The following LRRC4C variants were observed in gnomAD, a reference collection of about 807,000 sequenced individuals.
LRRC4C encodes the protein leucine-rich repeat-containing protein 4C.
Under a neutral mutation model 33.6 loss-of-function variants are expected in LRRC4C, and 5 were observed. That is an observed-to-expected ratio of 0.15 (90% CI 0.08 to 0.31). LRRC4C has a LOEUF of 0.31. LRRC4C is among the 10% of genes least tolerant of loss of function. LRRC4C has a pLI of 1.00. For missense variants in LRRC4C, 560 were observed against 796.7 expected, an observed-to-expected ratio of 0.70 and a Z score of 3.58; for synonymous variants, 329 against 302.0, an observed-to-expected ratio of 1.09 and a Z score of -0.93.
intron 5 of LRRC4C, among the ~76,000 whole-genome samples, chr11:40,237,755 G>A (rs1329834512): frequency 6.6e-6 from 1 of 152,128 alleles, no homozygotes; most frequent in Admixed American, 6.5e-5. Flanking sequence ...TGCCCTTGAA[G>A]TTTGAGTATT....
At chr11:41,201,430 C>A (rs539035148) in intron 1 of LRRC4C, among the ~76,000 whole-genome samples, 1 of 152,308 alleles carries the variant, frequency 6.6e-6, no homozygotes, top group East Asian at 1.9e-4. Flanking sequence ...TTTCAAAACC[C>A]TTGGTCCTGG....
intron 2 of LRRC4C, among the ~76,000 whole-genome samples, chr11:40,792,211 C>T (rs1391141639): frequency 1.3e-5 from 2 of 151,132 alleles, no homozygotes; most frequent in African/African-American, 4.9e-5. Context: ...TATTTTTGTC[C>T]TTTTGAATAA....
chr11:40,701,627 A>G (rs1425982257), intron 2 of LRRC4C, among the ~76,000 whole-genome samples: 1 of 148,860 alleles, frequency 6.7e-6, no homozygotes, highest in Non-Finnish European at 1.5e-5. Context: ...ATACATATAT[A>G]CATGAAATAT....
intron 1 of LRRC4C, among the ~76,000 whole-genome samples, chr11:41,423,151 A>AC (rs1428010529): frequency 6.6e-6 from 1 of 152,106 alleles, no homozygotes; most frequent in African/African-American, 2.4e-5. Flanking sequence ...TTAAGAATGA[A>AC]CATAAATATT....
intron 3 of LRRC4C, among the ~76,000 whole-genome samples, chr11:40,495,297 C>G (rs10837425): frequency 6.6e-6 from 1 of 151,790 alleles, no homozygotes; most frequent in Non-Finnish European, 1.5e-5. Context: ...CTCCGCCCCC[C>G]CCGCCAGAAA....
chr11:40,560,495 A>C (rs1484833641), intron 3 of LRRC4C, among the ~76,000 whole-genome samples: 3 of 151,932 alleles, frequency 2.0e-5, no homozygotes, highest in Non-Finnish European at 4.4e-5. Context: ...ACCCAGTGAA[A>C]GTTCAATTTT....
chr11:40,999,252 CTG>C (rs1854193069), intron 1 of LRRC4C, among the ~76,000 whole-genome samples: 1 of 152,046 alleles, frequency 6.6e-6, no homozygotes, highest in Non-Finnish European at 1.5e-5. Context: ...CTCGCTCACA[CTG>C]TGTCTAGCCC....
chr11:40,489,193 G>A (rs540824894), intron 3 of LRRC4C, among the ~76,000 whole-genome samples: 5 of 152,064 alleles, frequency 3.3e-5, no homozygotes, highest in East Asian at 1.9e-4. Context: ...CCCATATCAC[G>A]TACAGACTTT....
intron 3 of LRRC4C, among the ~76,000 whole-genome samples, chr11:40,639,349 C>T (rs61886788): frequency 0.23 from 35,222 of 152,156 alleles, 5,123 homozygotes; most frequent in Middle Eastern, 0.33. Context: ...CACTTCTCTT[C>T]CCAACTCAGA....
intron 2 of LRRC4C, among the ~76,000 whole-genome samples, chr11:40,741,969 C>G (rs969069185): frequency 2.6e-5 from 4 of 152,014 alleles, no homozygotes; most frequent in African/African-American, 9.7e-5. Flanking sequence ...AGGATTTCAT[C>G]TGCTCTTGTT....
At chr11:40,800,364 T>C (rs1591755850) in intron 2 of LRRC4C, among the ~76,000 whole-genome samples, 2 of 152,300 alleles carry the variant, frequency 1.3e-5, no homozygotes, top group African/African-American at 4.8e-5. Context: ...GCATTTATTG[T>C]TTGAGGGGGA....
intron 2 of LRRC4C, among the ~76,000 whole-genome samples, chr11:40,661,118 C>T (rs80291695): frequency 5.5e-4 from 83 of 152,140 alleles, no homozygotes; most frequent in African/African-American, 1.9e-3. Context: ...TATCTGGCAT[C>T]TTCAATCAAA....
chr11:40,566,086 GTTTTT>G, intron 3 of LRRC4C, among the ~76,000 whole-genome samples: 8 of 62,778 alleles, frequency 1.3e-4, no homozygotes, highest in Non-Finnish European at 2.0e-4. Flanking sequence ...TTTTTACTAA[GTTTTT>G]TTTTTTTTTT....
rs113923487 is a variant in LRRC4C at position 40,794,915 on chromosome 11, T to A, written c.-407+138720A>T. On this transcript the variant is annotated intron_variant, in intron 2 of 6. Transcript: ENST00000528697. The stretch of plus-strand genomic sequence containing the variant: ...TTGGGCAGGTGACACAAGAATGATA[T>A]ATTGAGTGCTTCTAATTAATTTTCT... Among the ~76,000 whole-genome samples, 278 of 152,308 alleles carry A rather than the reference T, an allele frequency of 1.8e-3. 2 individuals carry two copies. Among genetic ancestry groups the A allele is most frequent in the African/African-American group, 6.6e-3 (274 of 41,570 alleles).
At chr11:41,394,152 T>C (rs539857993) in intron 1 of LRRC4C, among the ~76,000 whole-genome samples, 1 of 152,078 alleles carries the variant, frequency 6.6e-6, no homozygotes, top group South Asian at 2.1e-4. Context: ...AGTCCTTGCT[T>C]CCTTATCTGT....
chr11:41,218,763 A>ATTTTTTTTTTTTTTTTTTTTTTTTT (rs1184491274), intron 1 of LRRC4C, among the ~76,000 whole-genome samples: 1 of 108,898 alleles, frequency 9.2e-6, no homozygotes, highest in African/African-American at 3.6e-5. Context: ...TGCATATGTC[A>ATTTTTTTTTTTTTTTTTTTTTTTTT]TTTTTTTTTT....
chr11:40,911,588 G>T (rs2136274320), intron 2 of LRRC4C, among the ~76,000 whole-genome samples: 1 of 152,226 alleles, frequency 6.6e-6, no homozygotes, highest in South Asian at 2.1e-4. Flanking sequence ...AAACCACAAA[G>T]ATGGGGAAAC....
chr11:41,215,718 AT>A (rs1316204016), intron 1 of LRRC4C, among the ~76,000 whole-genome samples: 2 of 152,032 alleles, frequency 1.3e-5, no homozygotes, highest in Non-Finnish European at 2.9e-5. Flanking sequence ...AGTACTTTCT[AT>A]TGTATAGATG....
At chr11:40,155,926 C>T (rs1043041817) in intron 5 of LRRC4C, among the ~76,000 whole-genome samples, 5 of 151,986 alleles carry the variant, frequency 3.3e-5, no homozygotes, top group Non-Finnish European at 5.9e-5. Context: ...TGATATCTTT[C>T]ATGAATATAG....
Sources: gnomAD v4.1 joint callset for allele counts (sites outside exome capture counted in the v4.1 genomes callset) on GRCh38, gnomAD v4.1.1 for gene constraint, MANE v1.5 for transcripts, NCBI Gene and HGNC (gene_info 2026-07-23, HGNC 2026-07-21) for gene names.